Variants in RABEP1 observed in about 807,000 individuals in gnomAD.
RABEP1 encodes rab GTPase-binding effector protein 1.
Under a neutral mutation model 123.4 loss-of-function variants are expected in RABEP1, and 51 were observed. The ratio of observed to expected loss-of-function variants is 0.41; its 90% CI spans 0.33 to 0.52. The LOEUF (loss-of-function observed/expected upper bound fraction) is 0.52. Ranked by LOEUF, RABEP1 falls within the 20% of genes least tolerant of loss-of-function variation. RABEP1 has a pLI of 0.16. For missense variants in RABEP1, 888 were observed against 996.3 expected (o/e 0.89, Z 1.46); for synonymous variants, 347 against 355.2 (o/e 0.98, Z 0.26).
rs190391236 is a variant in RABEP1, at chr17:5,367,432, C to T, written c.1786-938C>T. Among the ~76,000 whole-genome samples the T allele has an allele frequency of 7.9e-4, 119 of 150,942 alleles. 1 individual carries two copies. Among genetic ancestry groups the T allele is most frequent in the South Asian group, 1.7e-3 (8 of 4,796 alleles). On this transcript the variant is annotated intron_variant, in intron 11 of 17. Coordinates refer to ENST00000537505, the MANE Select transcript of RABEP1 (RefSeq NM_004703.6). Reference sequence around the variant, plus strand: ...GACTACAGGCACCCGCCACCACGCCCGGCTAATTTTTTATTTTTAGTAGAG... The same window carrying T: ...GACTACAGGCACCCGCCACCACGCCTGGCTAATTTTTTATTTTTAGTAGAG...
chr17:5,360,424 A>T (rs988138033), intron 8 of RABEP1, among the ~76,000 whole-genome samples: 4 of 152,150 alleles, frequency 2.6e-5, no homozygotes, highest in Non-Finnish European at 4.4e-5. Flanking sequence ...TAGCCGGGCG[A>T]GGTGGCGGGC....
At chr17:5,363,134 T>A in intron 10 of RABEP1, 118 bp downstream of exon 10, 3 of 742,556 alleles carry the variant, frequency 4.0e-6, no homozygotes, top group Non-Finnish European at 7.0e-6. Context: ...TCCATCTTGT[T>A]AAGTTATGAA....
chr17:5,378,872 T>A (rs900163835), intron 15 of RABEP1, among the ~76,000 whole-genome samples: 3 of 152,160 alleles, frequency 2.0e-5, no homozygotes, highest in Non-Finnish European at 4.4e-5. Context: ...TTCTTTCCCC[T>A]AGGTTGCATC....
intron 9 of RABEP1, 122 bp downstream of exon 9, chr17:5,361,797 G>A (rs1270363541): frequency 1.2e-6 from 1 of 803,102 alleles, no homozygotes; most frequent in Non-Finnish European, 1.9e-6. Flanking sequence ...TTGCCAGCAA[G>A]TGGATATTAA....
At position 5,282,376 on chromosome 17, in the gene RABEP1, GGGCGGC is replaced by G. The variant is rs878972858; in HGVS notation, c.-98_-93del. Reference sequence around the variant, plus strand: ...GATCCAGCCTTAGCGGTTTCTCTCTGGGCGGCGGCGGCGGCGGCTCGGTTGACGCCT... The same window carrying G: ...GATCCAGCCTTAGCGGTTTCTCTCTGGGCGGCGGCGGCTCGGTTGACGCCT... On this transcript the variant is annotated 5_prime_UTR_variant, in exon 1 of 18. Coordinates refer to ENST00000537505, the MANE Select transcript of RABEP1 (RefSeq NM_004703.6). The G allele has an allele frequency of 1.0e-5, 9 of 887,858 alleles. No homozygotes were observed. Among genetic ancestry groups the G allele is most frequent in the Middle Eastern group, 3.4e-4 (1 of 2,968 alleles). 55.0% of individuals were successfully genotyped at this position (887,858 alleles called of 1,614,324 possible).
chr17:5,300,963 G>A (rs540512421), intron 1 of RABEP1, among the ~76,000 whole-genome samples: 2 of 152,306 alleles, frequency 1.3e-5, no homozygotes, highest in East Asian at 3.9e-4. Flanking sequence ...ATTCCGGGAA[G>A]CCTGGGATGG....
intron 8 of RABEP1, chr17:5,360,967 T>G (rs1909467634): frequency 2.0e-6 from 1 of 494,530 alleles, no homozygotes; most frequent in Admixed American, 3.7e-5. Context: ...TATCTTTTTT[T>G]TTTTTGAAGC....
At chr17:5,305,617 G>T (rs1046657312) in intron 1 of RABEP1, among the ~76,000 whole-genome samples, 1 of 152,070 alleles carries the variant, frequency 6.6e-6, no homozygotes, top group Non-Finnish European at 1.5e-5. Context: ...AGAACAGAGG[G>T]ATTTTGGTTT....
chr17:5,320,421 CAAAAAAAAAAA>C (rs60202531), intron 2 of RABEP1, among the ~76,000 whole-genome samples: 1 of 84,652 alleles, frequency 1.2e-5, no homozygotes, highest in Non-Finnish European at 2.3e-5. Flanking sequence ...GCTAACACAC[CAAAAAAAAAAA>C]AAAAAAAAAA....
intron 1 of RABEP1, among the ~76,000 whole-genome samples, chr17:5,296,284 G>T (rs571922727): frequency 3.9e-5 from 6 of 152,146 alleles, no homozygotes; most frequent in African/African-American, 1.4e-4. Flanking sequence ...TTTGTTTAAG[G>T]CAGAGTTTCA....
At chr17:5,312,384 C>T (rs1435968652) in intron 2 of RABEP1, among the ~76,000 whole-genome samples, 4 of 152,200 alleles carry the variant, frequency 2.6e-5, no homozygotes, top group African/African-American at 9.6e-5. Flanking sequence ...CTCCTAACCT[C>T]AAATGATCTG....
chr17:5,331,945 C>A lies in RABEP1; in HGVS notation c.164-4C>A. 4 of 1,612,820 alleles carry A rather than the reference C, an allele frequency of 2.5e-6. 1 individual carries two copies. The South Asian group carries it at 4.4e-5, about 18-fold the overall frequency. ...AATGGACTATCTTTTACTTTTCTCT[C>A]CAGAGGATCTGAAGAGGCAAAATGC... On this transcript the variant is annotated splice_region_variant and splice_polypyrimidine_tract_variant and intron_variant, in intron 2 of 17. Coordinates refer to ENST00000537505, the MANE Select transcript of RABEP1 (RefSeq NM_004703.6).
intron 1 of RABEP1, among the ~76,000 whole-genome samples, chr17:5,300,138 G>C (rs796951356): frequency 1.3e-5 from 2 of 152,216 alleles, no homozygotes; most frequent in African/African-American, 4.8e-5. Context: ...AGTTAGATGG[G>C]AAGGAAAATC....
chr17:5,339,371 T>A (rs910182770), intron 5 of RABEP1, among the ~76,000 whole-genome samples: 4 of 152,140 alleles, frequency 2.6e-5, no homozygotes, highest in South Asian at 4.2e-4. Flanking sequence ...TAGCCAGTTA[T>A]AGTGGTGTGT....
At chr17:5,354,206 C>A (rs1284140268) in intron 7 of RABEP1, among the ~76,000 whole-genome samples, 153 bp from the exon 8 acceptor site, 1 of 152,072 alleles carries the variant, frequency 6.6e-6, no homozygotes, top group Non-Finnish European at 1.5e-5. Flanking sequence ...TGGCCAGAGG[C>A]CCTTAGATGG....
chr17:5,285,297 C>CT (rs1177991770), intron 1 of RABEP1, among the ~76,000 whole-genome samples: 288 of 139,714 alleles, frequency 2.1e-3, no homozygotes, highest in Middle Eastern at 7.2e-3. Flanking sequence ...CACTTTTTTT[C>CT]TTTTTTTTTT....
At chr17:5,349,450 A>G (rs1453123877) in intron 6 of RABEP1, among the ~76,000 whole-genome samples, 1 of 152,188 alleles carries the variant, frequency 6.6e-6, no homozygotes, top group Non-Finnish European at 1.5e-5. Context: ...GGCTTGGTAG[A>G]TGGGTGGATA....
intron 12 of RABEP1, among the ~76,000 whole-genome samples, chr17:5,369,232 T>G (rs913893679): frequency 6.6e-6 from 1 of 152,200 alleles, no homozygotes; most frequent in Non-Finnish European, 1.5e-5. Context: ...CAGAGTGTTA[T>G]GAGCAAGTGC....
chr17:5,301,470 C>G (rs935116425), intron 1 of RABEP1, among the ~76,000 whole-genome samples: 1 of 152,122 alleles, frequency 6.6e-6, no homozygotes, highest in Non-Finnish European at 1.5e-5. Flanking sequence ...CAGTTGTCAA[C>G]TATAGCAGTA....
Sources: gnomAD v4.1 joint callset for allele counts (sites outside exome capture counted in the v4.1 genomes callset) on GRCh38, gnomAD v4.1.1 for gene constraint, MANE v1.5 for transcripts, NCBI Gene and HGNC (gene_info 2026-07-23, HGNC 2026-07-21) for gene names.